PREX2: variants seen among roughly 807,000 people sequenced by gnomAD.
The protein encoded by PREX2 is phosphatidylinositol-3,4,5-trisphosphate dependent Rac exchange factor 2, also known as phosphatidylinositol 3,4,5-trisphosphate-dependent Rac exchanger 2 protein.
PREX2 carries 107 observed loss-of-function variants against 203.2 expected under a neutral mutation model. The ratio of observed to expected loss-of-function variants is 0.53; its 90% CI spans 0.45 to 0.62. The LOEUF is 0.62. Among genes scored for constraint, PREX2 ranks in the 20% least tolerant of loss-of-function variants. The probability of loss-of-function intolerance (pLI) is 0.00; values close to 1 mark genes in which losing one functional copy is unlikely to be tolerated. For missense variants in PREX2, 1,777 were observed against 1,955.9 expected (o/e 0.91, Z 1.72); for synonymous variants, 672 against 663.6 (o/e 1.01, Z -0.19).
At chr8:68,034,440 G>A (rs1308635904) in intron 6 of PREX2, among the ~76,000 whole-genome samples, 1 of 152,094 alleles carries the variant, frequency 6.6e-6, no homozygotes, top group Non-Finnish European at 1.5e-5. Flanking sequence ...TTTGAAAAGG[G>A]AGTATCAATA....
chr8:68,173,529 A>G (rs918713610), intron 35 of PREX2, among the ~76,000 whole-genome samples: 1 of 152,150 alleles, frequency 6.6e-6, no homozygotes, highest in Non-Finnish European at 1.5e-5. Flanking sequence ...CCTGGACTGG[A>G]CTTATTCTTA....
intron 35 of PREX2, among the ~76,000 whole-genome samples, chr8:68,169,517 C>A (rs1811832477): frequency 6.6e-6 from 1 of 152,046 alleles, no homozygotes; most frequent in Non-Finnish European, 1.5e-5. Flanking sequence ...AACCACAATA[C>A]CTACCAAATT....
At position 68,058,048 on chromosome 8, in the gene PREX2, C is replaced by G. The variant is rs541539716; in HGVS notation, c.1238+2074C>G. 4.6e-5 allele frequency among the ~76,000 whole-genome samples: 7 copies of G among 152,318 alleles called. No individual in the cohort carries two copies. In the South Asian group the frequency reaches 1.4e-3, roughly 32 times the overall value. On this transcript the variant is annotated intron_variant, in intron 10 of 39. Transcript: ENST00000288368. ...TAGATTACTGCGGCCTTTTCCATAACAGCACACTACTGCCGCTTACAGCGC... is the reference window on the plus strand; with the variant it reads ...TAGATTACTGCGGCCTTTTCCATAAGAGCACACTACTGCCGCTTACAGCGC...
rs1439603411 is a variant in PREX2, at chr8:67,952,170, G to A, written c.-225G>A. ...GGCCTGGCCGGAGCCCCCACTCCCA[G>A]GAGTTTCCTCTGCAGAGCCCCGCGC... On this transcript the variant is annotated 5_prime_UTR_variant, in exon 1 of 40. Transcript: ENST00000288368. The A allele has an allele frequency of 8.1e-6, 3 of 368,430 alleles. No individual in the cohort carries two copies. In the East Asian group the frequency reaches 1.3e-4, roughly 16 times the overall value. The allele number at this position is 368,430 out of a possible 1,614,324, so 22.8% of individuals were successfully genotyped here.
intron 37 of PREX2, among the ~76,000 whole-genome samples, chr8:68,213,149 A>G (rs1009199680): frequency 2.6e-5 from 4 of 152,206 alleles, no homozygotes; most frequent in African/African-American, 9.6e-5. Flanking sequence ...TTGTCCAATA[A>G]ATACATCCCA....
At chr8:68,216,191 AT>A (rs1404954312) in intron 37 of PREX2, among the ~76,000 whole-genome samples, 1 of 152,174 alleles carries the variant, frequency 6.6e-6, no homozygotes, top group African/African-American at 2.4e-5. Flanking sequence ...CTTTTTCTTA[AT>A]TATCAGTATC....
intron 37 of PREX2, among the ~76,000 whole-genome samples, chr8:68,216,964 A>C (rs1812852649): frequency 7.9e-6 from 1 of 126,616 alleles, no homozygotes; most frequent in Non-Finnish European, 1.5e-5. Context: ...CCATCTCAAA[A>C]AAACAAAAAA....
intron 1 of PREX2, among the ~76,000 whole-genome samples, chr8:67,999,016 T>A (rs1806852519): frequency 6.6e-6 from 1 of 152,130 alleles, no homozygotes; most frequent in East Asian, 1.9e-4. Flanking sequence ...GTTCTGCTTG[T>A]TAGAGTGGGA....
chr8:67,973,215 T>G (rs55892812), intron 1 of PREX2, among the ~76,000 whole-genome samples: 35,177 of 152,084 alleles, frequency 0.23, 4,947 homozygotes, highest in East Asian at 0.54. Context: ...CAACAAACAT[T>G]CTCAGATTAA....
chr8:67,982,768 T>C (rs1806307999), intron 1 of PREX2, among the ~76,000 whole-genome samples: 1 of 152,232 alleles, frequency 6.6e-6, no homozygotes, highest in African/African-American at 2.4e-5. Context: ...ATAAAATTTT[T>C]CTGACCCTCA....
chr8:68,056,005 C>A, intron 10 of PREX2, 31 bp downstream of exon 10: 2 of 1,576,254 alleles, frequency 1.3e-6, no homozygotes, highest in Non-Finnish European at 1.7e-6. Context: ...GCATGACTTT[C>A]TTTTACATTC....
chr8:67,980,421 A>G (rs531573604), intron 1 of PREX2, among the ~76,000 whole-genome samples: 2 of 151,980 alleles, frequency 1.3e-5, no homozygotes, highest in Non-Finnish European at 2.9e-5. Flanking sequence ...GGATGTTCCA[A>G]AAATAAACAA....
intron 39 of PREX2, among the ~76,000 whole-genome samples, chr8:68,226,944 G>A (rs1272436552): frequency 6.6e-6 from 1 of 152,198 alleles, no homozygotes; most frequent in African/African-American, 2.4e-5. Context: ...AAGAAGTGAT[G>A]TTTTGAGAAC....
chr8:68,224,688 T>A, intron 39 of PREX2, 62 bp downstream of exon 39: 1 of 1,257,208 alleles, frequency 8.0e-7, no homozygotes, highest in South Asian at 1.2e-5. Flanking sequence ...CCCGGCAGTG[T>A]CCCTCCGCTA....
chr8:67,992,124 T>G (rs955572742), intron 1 of PREX2, among the ~76,000 whole-genome samples: 4 of 152,198 alleles, frequency 2.6e-5, no homozygotes, highest in Non-Finnish European at 5.9e-5. Context: ...TGTGTTGGCC[T>G]ACACTTGCTC....
At chr8:68,125,210 A>G (rs1049435777) in intron 30 of PREX2, among the ~76,000 whole-genome samples, 2 of 152,088 alleles carry the variant, frequency 1.3e-5, no homozygotes, top group African/African-American at 2.4e-5. Flanking sequence ...AATTTATCCT[A>G]TTCAACTTAA....
chr8:68,097,713 A>G (rs1164018193), intron 22 of PREX2, among the ~76,000 whole-genome samples: 1 of 152,178 alleles, frequency 6.6e-6, no homozygotes, highest in South Asian at 2.1e-4. Context: ...CACAGTGTTA[A>G]GTTAGATGAA....
intron 35 of PREX2, 144 bp downstream of exon 35, chr8:68,157,580 T>G: frequency 2.2e-6 from 1 of 462,438 alleles, no homozygotes; most frequent in East Asian, 3.3e-5. Context: ...GTTTAATATT[T>G]TAAATATTCT....
At chr8:68,088,300 T>C (rs1167146692) in intron 19 of PREX2, among the ~76,000 whole-genome samples, 4 of 152,200 alleles carry the variant, frequency 2.6e-5, no homozygotes, top group Non-Finnish European at 5.9e-5. Flanking sequence ...TTTACACTTA[T>C]TCTTTTTTGT....
Sources: gnomAD v4.1 joint callset for allele counts (sites outside exome capture counted in the v4.1 genomes callset) on GRCh38, gnomAD v4.1.1 for gene constraint, MANE v1.5 for transcripts, NCBI Gene and HGNC (gene_info 2026-07-23, HGNC 2026-07-21) for gene names.